MFHAS1: variants seen among roughly 807,000 people sequenced by gnomAD.
The protein encoded by MFHAS1 is malignant fibrous histiocytoma-amplified sequence 1.
In MFHAS1, 50 loss-of-function variants were observed where a neutral mutation model predicts 70.4. The observed-to-expected ratio is 0.71, with a 90% confidence interval of 0.57 to 0.90. The LOEUF (loss-of-function observed/expected upper bound fraction) is 0.90. Ranked by LOEUF, MFHAS1 falls within the 40% of genes least tolerant of loss-of-function variation. The pLI, the probability that MFHAS1 is intolerant of heterozygous loss-of-function variation, is 0.00. For synonymous variants in MFHAS1, 952 were observed against 620.0 expected, an observed-to-expected ratio of 1.54 and a Z score of -7.96; for missense variants, 1,795 against 1,347.6, an observed-to-expected ratio of 1.33 and a Z score of -5.20.
chr8:8,878,477 T>C (rs1809381155), intron 1 of MFHAS1, among the ~76,000 whole-genome samples: 1 of 152,186 alleles, frequency 6.6e-6, no homozygotes, highest in Admixed American at 6.5e-5. Flanking sequence ...TTGTCACCTC[T>C]TCTATTTTTC....
At chr8:8,835,039 A>C (rs1226578777) in intron 1 of MFHAS1, among the ~76,000 whole-genome samples, 7 of 152,228 alleles carry the variant, frequency 4.6e-5, no homozygotes, top group Non-Finnish European at 1.0e-4. Flanking sequence ...GCAAACCTCT[A>C]AACCAGACAC....
chr8:8,877,830 C>T (rs1482914415), intron 1 of MFHAS1, among the ~76,000 whole-genome samples: 1 of 152,200 alleles, frequency 6.6e-6, no homozygotes, highest in Non-Finnish European at 1.5e-5. Flanking sequence ...GCCAGTGGGT[C>T]ACTGGCAAGT....
intron 1 of MFHAS1, among the ~76,000 whole-genome samples, chr8:8,801,435 C>T (rs751945576): frequency 6.6e-6 from 1 of 152,174 alleles, no homozygotes; most frequent in Non-Finnish European, 1.5e-5. Context: ...TTAACAAATA[C>T]TGAGCAGCAA....
In MFHAS1 at chr8:8,893,305, C is replaced by A. The variant is rs540970630; in HGVS notation, c.-247G>T. On this transcript the variant is annotated 5_prime_UTR_variant, in exon 1 of 3. Coordinates refer to ENST00000276282, the MANE Select transcript of MFHAS1 (RefSeq NM_004225.3). ...ATTCTCCCTGCGGCCGGGCCATGGG[C>A]GCGCCGGGCAGCAGGGCCGCCGCCC... 2.1e-3 allele frequency: 317 copies of A among 149,036 alleles called. 1 individual carries two copies. Among genetic ancestry groups the A allele is most frequent in the African/African-American group, 7.3e-3 (298 of 40,744 alleles). The allele number at this position is 149,036 out of a possible 1,614,324, so 9.2% of individuals were successfully genotyped here.
At chr8:8,807,622 CT>C (rs1220312453) in intron 1 of MFHAS1, among the ~76,000 whole-genome samples, 10 of 152,128 alleles carry the variant, frequency 6.6e-5, no homozygotes, top group Admixed American at 1.3e-4. Flanking sequence ...CCTGTACCCC[CT>C]ACAATGAAAA....
At chr8:8,884,842 C>T (rs1809690454) in intron 1 of MFHAS1, among the ~76,000 whole-genome samples, 1 of 152,030 alleles carries the variant, frequency 6.6e-6, no homozygotes. Flanking sequence ...CCCAGCTACT[C>T]AGGAGGCTGA....
At chr8:8,887,496 A>T (rs1809806034) in intron 1 of MFHAS1, among the ~76,000 whole-genome samples, 1 of 151,404 alleles carries the variant, frequency 6.6e-6, no homozygotes, top group South Asian at 2.1e-4. Context: ...AATTCAAAAA[A>T]AAACAAAAAG....
intron 1 of MFHAS1, among the ~76,000 whole-genome samples, chr8:8,806,996 G>C (rs908244866): frequency 6.6e-6 from 1 of 151,912 alleles, no homozygotes; most frequent in African/African-American, 2.4e-5. Flanking sequence ...GAACCATGAG[G>C]CACCACTTGA....
intron 1 of MFHAS1, among the ~76,000 whole-genome samples, chr8:8,826,020 C>T (rs889081546): frequency 6.6e-6 from 1 of 152,190 alleles, no homozygotes; most frequent in Non-Finnish European, 1.5e-5. Context: ...GGTTGGACAG[C>T]TGTACCCAAG....
At chr8:8,795,546 T>C (rs912050616) in intron 2 of MFHAS1, among the ~76,000 whole-genome samples, 2 of 152,366 alleles carry the variant, frequency 1.3e-5, no homozygotes, top group African/African-American at 2.4e-5. Flanking sequence ...TAGATAACAG[T>C]TTCCCTTGGG....
intron 2 of MFHAS1, among the ~76,000 whole-genome samples, chr8:8,790,907 C>T (rs1320671149): frequency 6.6e-6 from 1 of 152,090 alleles, no homozygotes; most frequent in Non-Finnish European, 1.5e-5. Context: ...TGCAAAGTAA[C>T]CACGGTACTT....
intron 1 of MFHAS1, among the ~76,000 whole-genome samples, chr8:8,810,119 C>G (rs1806492692): frequency 6.6e-6 from 1 of 152,222 alleles, no homozygotes; most frequent in Admixed American, 6.5e-5. Flanking sequence ...GTAATCCCAT[C>G]ACTTTGGGAG....
chr8:8,845,558 G>C (rs957439311), intron 1 of MFHAS1, among the ~76,000 whole-genome samples: 3 of 152,118 alleles, frequency 2.0e-5, no homozygotes, highest in Admixed American at 1.3e-4. Context: ...CTCCTGCTGG[G>C]GGGCCCATGG....
At chr8:8,877,976 A>G (rs190254185) in intron 1 of MFHAS1, among the ~76,000 whole-genome samples, 22 of 152,268 alleles carry the variant, frequency 1.4e-4, no homozygotes, top group African/African-American at 4.6e-4. Context: ...TGCCTTTTAA[A>G]TGGCATTCTA....
At chr8:8,874,651 A>T (rs1809221822) in intron 1 of MFHAS1, among the ~76,000 whole-genome samples, 1 of 152,190 alleles carries the variant, frequency 6.6e-6, no homozygotes, top group Non-Finnish European at 1.5e-5. Flanking sequence ...AGTTAAAGTT[A>T]TAAGGGTGAA....
chr8:8,854,672 G>A (rs535948906), intron 1 of MFHAS1, among the ~76,000 whole-genome samples: 1 of 131,258 alleles, frequency 7.6e-6, no homozygotes, highest in South Asian at 2.9e-4. Flanking sequence ...ATGACAGAGG[G>A]GGACTTTGTC....
intron 2 of MFHAS1, among the ~76,000 whole-genome samples, chr8:8,788,584 C>T (rs1231735986): frequency 1.3e-5 from 2 of 152,190 alleles, no homozygotes; most frequent in Non-Finnish European, 2.9e-5. Context: ...GGGGCTGAGG[C>T]AGGATAATTG....
chr8:8,878,044 G>A (rs1490748969), intron 1 of MFHAS1, among the ~76,000 whole-genome samples: 1 of 152,136 alleles, frequency 6.6e-6, no homozygotes, highest in Non-Finnish European at 1.5e-5. Context: ...ATCATCCTCT[G>A]ACACTCAACT....
chr8:8,832,193 A>G (rs1281468967), intron 1 of MFHAS1, among the ~76,000 whole-genome samples: 2 of 149,270 alleles, frequency 1.3e-5, no homozygotes, highest in South Asian at 2.2e-4. Context: ...AGAAAGAAAG[A>G]AAAAAAAAAG....
Sources: gnomAD v4.1 joint callset for allele counts (sites outside exome capture counted in the v4.1 genomes callset) on GRCh38, gnomAD v4.1.1 for gene constraint, MANE v1.5 for transcripts, NCBI Gene and HGNC (gene_info 2026-07-23, HGNC 2026-07-21) for gene names.